The following MAP4 variants were observed in gnomAD, a reference collection of about 807,000 sequenced individuals.
MAP4 encodes the protein microtubule associated protein 4, also known as microtubule-associated protein 4.
A neutral mutation model predicts 170.2 loss-of-function variants in MAP4; 76 were observed. That is an observed-to-expected ratio of 0.45 (90% confidence interval 0.37 to 0.54). The LOEUF (loss-of-function observed/expected upper bound fraction) is 0.54. Ranked by LOEUF, MAP4 falls within the 20% of genes least tolerant of loss-of-function variation. The pLI is 0.00. For synonymous variants in MAP4, 909 were observed against 994.5 expected (o/e 0.91, Z 1.62); for missense variants, 2,506 against 2,748.0 (o/e 0.91, Z 1.97).
intron 10 of MAP4, among the ~76,000 whole-genome samples, chr3:47,897,268 A>G (rs2100027372): frequency 6.6e-6 from 1 of 152,052 alleles, no homozygotes; most frequent in Admixed American, 6.6e-5. Context: ...CTGGGATTAC[A>G]GGCCCACACC....
intron 3 of MAP4, among the ~76,000 whole-genome samples, chr3:47,963,641 A>ATTAT (rs1215624913): frequency 2.6e-5 from 4 of 152,230 alleles, no homozygotes; most frequent in African/African-American, 9.6e-5. Context: ...GATATTAAAG[A>ATTAT]TTATTCATTC....
At chr3:47,931,021 C>G (rs537204930) in intron 3 of MAP4, among the ~76,000 whole-genome samples, 1 of 151,896 alleles carries the variant, frequency 6.6e-6, no homozygotes, top group East Asian at 1.9e-4. Context: ...TGAAGCTCAT[C>G]AGTCCTTAGG....
At chr3:47,949,652 T>C (rs1040081534) in intron 3 of MAP4, among the ~76,000 whole-genome samples, 11 of 152,280 alleles carry the variant, frequency 7.2e-5, no homozygotes, top group Middle Eastern at 3.4e-3. Context: ...GTATGATATA[T>C]TAGTTATCAA....
At chr3:47,948,336 C>T (rs371066703) in intron 3 of MAP4, among the ~76,000 whole-genome samples, 2 of 150,902 alleles carry the variant, frequency 1.3e-5, no homozygotes, top group South Asian at 2.1e-4. Context: ...TGGGCTCAAG[C>T]GATCCTCCTG....
intron 1 of MAP4, among the ~76,000 whole-genome samples, chr3:48,088,459 C>G (rs911026455): frequency 2.6e-5 from 4 of 152,192 alleles, no homozygotes; most frequent in Non-Finnish European, 5.9e-5. Flanking sequence ...CTCCGCGGCT[C>G]AGCCCCATCC....
At chr3:47,973,435 T>C in intron 3 of MAP4, 1 of 985,222 alleles carries the variant, frequency 1.0e-6, no homozygotes, top group Non-Finnish European at 1.2e-6. Context: ...TATAAAACTA[T>C]ATGTGAAACA....
chr3:48,022,648 TGC>T (rs1327493765), intron 1 of MAP4, among the ~76,000 whole-genome samples: 1 of 152,130 alleles, frequency 6.6e-6, no homozygotes, highest in Non-Finnish European at 1.5e-5. Flanking sequence ...CCCAGCACTT[TGC>T]GAGGCTGAGG....
chr3:47,856,006 A>T (rs906315536), intron 18 of MAP4, among the ~76,000 whole-genome samples: 5 of 152,196 alleles, frequency 3.3e-5, no homozygotes, highest in African/African-American at 1.2e-4. Flanking sequence ...CAGGCCTGGG[A>T]TCTAGTGACC....
chr3:48,021,662 C>G (rs2100110639), intron 1 of MAP4, among the ~76,000 whole-genome samples: 1 of 152,082 alleles, frequency 6.6e-6, no homozygotes, highest in African/African-American at 2.4e-5. Context: ...ATAGATTTAA[C>G]ATAACCCCAA....
chr3:48,029,078 T>TG (rs2100114588), intron 1 of MAP4, among the ~76,000 whole-genome samples: 1 of 149,712 alleles, frequency 6.7e-6, no homozygotes, highest in African/African-American at 2.5e-5. Flanking sequence ...TCTGGGAAGT[T>TG]GAGGATGAGT....
At chr3:47,994,997 T>C (rs988649898) in intron 2 of MAP4, among the ~76,000 whole-genome samples, 5 of 150,526 alleles carry the variant, frequency 3.3e-5, no homozygotes, top group East Asian at 2.0e-4. Flanking sequence ...ACTCCAGAAA[T>C]TGGCGAGTGG....
intron 1 of MAP4, among the ~76,000 whole-genome samples, chr3:48,011,810 C>T (rs576240818): frequency 6.6e-6 from 1 of 152,230 alleles, no homozygotes; most frequent in South Asian, 2.1e-4. Flanking sequence ...TCGGTTATGC[C>T]ATTTCCCTAT....
At chr3:47,904,185 C>T (rs1052326329) in intron 9 of MAP4, among the ~76,000 whole-genome samples, 11 of 152,146 alleles carry the variant, frequency 7.2e-5, no homozygotes, top group African/African-American at 2.7e-4. Context: ...CCTTGACAGC[C>T]TCCATTTTCT....
chr3:47,905,421 G>A (rs897721756), intron 9 of MAP4, among the ~76,000 whole-genome samples: 8 of 151,846 alleles, frequency 5.3e-5, no homozygotes, highest in Non-Finnish European at 1.0e-4. Context: ...AATACATGCA[G>A]AAATTTAGGG....
chr3:47,875,607 G>T, intron 12 of MAP4, 78 bp downstream of exon 12: 1 of 1,270,058 alleles, frequency 7.9e-7, no homozygotes, highest in Non-Finnish European at 1.1e-6. Context: ...TCTGTTGTCT[G>T]TTAGCAACAA....
In MAP4 at chr3:47,909,419, C is replaced by T. The variant is rs1353862041; in HGVS notation, c.5002G>A (p.Asp1668Asn). The T allele has an allele frequency of 1.2e-6, 2 of 1,613,336 alleles. No individual in the cohort carries two copies. Among genetic ancestry groups the T allele is most frequent in the African/African-American group, 2.7e-5 (2 of 74,858 alleles). ...LTLLSPKSEN[D>N]KLKEISLACK... ...GCCAGACTAATTTCTTTCAATTTAT[C>T]ATTTTCACTTTTTGGAGACAAAAGA... Residue 1668 changes from aspartate (D) to asparagine (N), a missense_variant, in exon 9 of 21, where the codon GAT becomes AAT. Transcript: ENST00000683076.
At position 47,911,132 on chromosome 3, in the gene MAP4, C is replaced by G. The variant is rs1336729357; in HGVS notation, c.3289G>C (p.Val1097Leu). 1 of 1,536,142 alleles carries G rather than the reference C, an allele frequency of 6.5e-7. No individual in the cohort carries two copies. Among genetic ancestry groups the G allele is most frequent in the Non-Finnish European group, 8.7e-7 (1 of 1,146,912 alleles). ...LLDSQKDGRA[V>L]LIPSEPVSKT... The stretch of plus-strand genomic sequence containing the variant: ...GAGACTGGCTCACTCGGTATGAGAA[C>G]AGCCCTTCCGTCCTTCTGGCTGTCC... The change falls in exon 9 of 21, where the codon GTT (valine) becomes CTT (leucine). Residue 1097 changes from valine to leucine, a missense_variant. Val to Leu is a conservative substitution (Grantham distance 32, BLOSUM62 1). Coordinates refer to ENST00000683076, the MANE Select transcript of MAP4 (RefSeq NM_001385682.1). The surrounding 1 kb of genome is among the most constrained non-coding windows in gnomAD (Gnocchi z 4.0).
chr3:48,061,281 G>A (rs1229482528), intron 1 of MAP4, among the ~76,000 whole-genome samples: 1 of 144,970 alleles, frequency 6.9e-6, no homozygotes, highest in Non-Finnish European at 1.5e-5. Flanking sequence ...TCTGCTCACT[G>A]CAACCTCCCT....
intron 1 of MAP4, among the ~76,000 whole-genome samples, chr3:48,004,274 G>A (rs1442415189): frequency 1.3e-5 from 2 of 152,106 alleles, no homozygotes; most frequent in African/African-American, 4.8e-5. Context: ...CTAATAGCAT[G>A]GAGAACATTC....
Sources: allele counts gnomAD v4.1 joint callset (sites outside exome capture counted in the v4.1 genomes callset), GRCh38; gene constraint gnomAD v4.1.1; non-coding constraint Gnocchi (gnomAD v3.1); transcripts MANE v1.5; gene names NCBI Gene and HGNC (gene_info 2026-07-23, HGNC 2026-07-21).